Variants in TM4SF18 observed in about 807,000 individuals in gnomAD.
TM4SF18 encodes the protein transmembrane 4 L6 family member 18.
TM4SF18 carries 22 observed loss-of-function variants against 23.8 expected under a neutral mutation model. That is an observed-to-expected ratio of 0.92 (90% CI 0.66 to 1.32). The LOEUF (loss-of-function observed/expected upper bound fraction) is 1.32. Among genes scored for constraint, TM4SF18 ranks in the 40% most tolerant of loss-of-function variants. TM4SF18 has a pLI of 0.00. For missense variants in TM4SF18, 255 were observed against 240.3 expected, an observed-to-expected ratio of 1.06 and a Z score of -0.41; for synonymous variants, 87 against 87.9, an observed-to-expected ratio of 0.99 and a Z score of 0.06.
chr3:149,321,719 A>G, intron 5 of TM4SF18, among the ~76,000 whole-genome samples: 1 of 152,226 alleles, frequency 6.6e-6, no homozygotes, highest in East Asian at 1.9e-4. Flanking sequence ...TCTTGATAGC[A>G]GTTTCAACCA....
intron 4 of TM4SF18, among the ~76,000 whole-genome samples, chr3:149,324,609 G>A (rs1730890815): frequency 6.6e-6 from 1 of 152,166 alleles, no homozygotes. Context: ...TTAATCTGAG[G>A]TATGGGAGAA....
At chr3:149,331,827 T>C (rs1451117526) in intron 2 of TM4SF18, among the ~76,000 whole-genome samples, 1 of 152,224 alleles carries the variant, frequency 6.6e-6, no homozygotes, top group South Asian at 2.1e-4. Context: ...TTATTGTGTC[T>C]CTTTTCACTT....
intron 3 of TM4SF18, among the ~76,000 whole-genome samples, chr3:149,329,687 G>T (rs1731047326): frequency 2.6e-5 from 4 of 152,140 alleles, no homozygotes; most frequent in Admixed American, 6.6e-5. Flanking sequence ...AGGAGCACTG[G>T]CTTAGAAAAT....
Position 149,330,256 on chromosome 3 carries a change from T to C in TM4SF18, c.267+74A>G, listed in dbSNP as rs1044346908. On this transcript the variant is annotated intron_variant, in intron 3 of 5. Coordinates refer to ENST00000296059, the MANE Select transcript of TM4SF18 (RefSeq NM_138786.4). ...TAGTGAGGGTATAATACTGTCAATA[T>C]TTTTGTGTTTCTGAGTGAGAGGAAA... 12 of 964,756 alleles carry C rather than the reference T, an allele frequency of 1.2e-5. No homozygotes were observed. The Admixed American group carries it at 1.8e-4, about 14-fold the overall frequency. The allele number at this position is 964,756 out of a possible 1,614,324, so 59.8% of individuals were successfully genotyped here.
intron 3 of TM4SF18, among the ~76,000 whole-genome samples, chr3:149,328,792 A>G (rs1439879342): frequency 1.3e-5 from 2 of 152,072 alleles, no homozygotes; most frequent in Non-Finnish European, 2.9e-5. Context: ...GGGGCATTTG[A>G]ATTGGGACTT....
At chr3:149,331,439 A>T (rs1194608410) in intron 2 of TM4SF18, among the ~76,000 whole-genome samples, 1 of 152,142 alleles carries the variant, frequency 6.6e-6, no homozygotes, top group Non-Finnish European at 1.5e-5. Context: ...CCTCCTTTCC[A>T]CATCGTTAGT....
Position 149,322,452 on chromosome 3 carries a change from G to A in TM4SF18, c.411-16C>T, listed in dbSNP as rs771579529. On this transcript the variant is annotated splice_polypyrimidine_tract_variant and intron_variant, in intron 4 of 5. Coordinates refer to ENST00000296059, the MANE Select transcript of TM4SF18 (RefSeq NM_138786.4). Reference sequence around the variant, plus strand: ...TGTAAGGAAACTGAGAGAGACCCATGGCCAAATCTACATACTGGGTCCAAG... The same window carrying A: ...TGTAAGGAAACTGAGAGAGACCCATAGCCAAATCTACATACTGGGTCCAAG... The A allele has an allele frequency of 2.5e-6, 4 of 1,606,688 alleles. No homozygotes were observed. The Admixed American group carries it at 5.1e-5, about 20-fold the overall frequency.
intron 2 of TM4SF18, among the ~76,000 whole-genome samples, chr3:149,331,243 A>G (rs960008960): frequency 2.0e-5 from 3 of 152,084 alleles, no homozygotes; most frequent in Non-Finnish European, 4.4e-5. Context: ...AAATTTCTTC[A>G]GCTTTCATTA....
intron 3 of TM4SF18, among the ~76,000 whole-genome samples, chr3:149,325,247 A>G (rs1415899977): frequency 6.6e-6 from 1 of 152,170 alleles, no homozygotes; most frequent in Non-Finnish European, 1.5e-5. Flanking sequence ...GTAACTAGGT[A>G]ATTTACTAAA....
At chr3:149,322,729 C>A (rs1317451970) in intron 4 of TM4SF18, among the ~76,000 whole-genome samples, 4 of 151,946 alleles carry the variant, frequency 2.6e-5, no homozygotes, top group Non-Finnish European at 4.4e-5. Context: ...TCTTTCCCCA[C>A]CTTTATTTAT....
intron 3 of TM4SF18, among the ~76,000 whole-genome samples, chr3:149,325,407 G>GA (rs1359941571): frequency 1.3e-5 from 2 of 152,116 alleles, no homozygotes; most frequent in African/African-American, 4.8e-5. Flanking sequence ...TATAAGCTAT[G>GA]ACCTCTGCTT....
intron 4 of TM4SF18, among the ~76,000 whole-genome samples, chr3:149,322,849 C>A (rs1730841838): frequency 6.6e-6 from 1 of 151,158 alleles, no homozygotes; most frequent in African/African-American, 2.4e-5. Flanking sequence ...ATCAGAATTC[C>A]TGGATTTGGG....
chr3:149,322,529 T>A, intron 4 of TM4SF18, 93 bp from the exon 5 acceptor site: 1 of 1,015,996 alleles, frequency 9.8e-7, no homozygotes, highest in South Asian at 1.7e-5. Context: ...ATAACTAAAA[T>A]ATATAGTTAT....
At chr3:149,333,122 C>A in intron 2 of TM4SF18, 84 bp downstream of exon 2, 2 of 1,283,678 alleles carry the variant, frequency 1.6e-6, no homozygotes, top group Non-Finnish European at 2.2e-6. Flanking sequence ...ATGATTTTTC[C>A]ATTATTCATT....
chr3:149,332,799 T>C (rs1179709394), intron 2 of TM4SF18, among the ~76,000 whole-genome samples: 3 of 152,166 alleles, frequency 2.0e-5, no homozygotes, highest in African/African-American at 4.8e-5. Context: ...AATAGCCAAG[T>C]CTCTGCTTTT....
intron 3 of TM4SF18, among the ~76,000 whole-genome samples, chr3:149,327,218 G>A (rs972206981): frequency 4.6e-5 from 7 of 152,220 alleles, no homozygotes; most frequent in African/African-American, 1.7e-4. Context: ...CCAAAGTGCT[G>A]GGATTACAGG....
At chr3:149,326,573 T>C (rs1730952342) in intron 3 of TM4SF18, among the ~76,000 whole-genome samples, 1 of 152,224 alleles carries the variant, frequency 6.6e-6, no homozygotes. Context: ...CTCATATTCA[T>C]TGATTACCAG....
At chr3:149,324,680 A>G in intron 4 of TM4SF18, 200 bp downstream of exon 4, 1 of 629,318 alleles carries the variant, frequency 1.6e-6, no homozygotes, top group South Asian at 2.2e-5. Context: ...AAATGGCATT[A>G]AAAGACTGAA....
At chr3:149,326,349 T>A (rs970936725) in intron 3 of TM4SF18, among the ~76,000 whole-genome samples, 1 of 152,222 alleles carries the variant, frequency 6.6e-6, no homozygotes, top group Non-Finnish European at 1.5e-5. Context: ...GCGAGAATAC[T>A]TAATGGGTGT....
Sources: allele counts gnomAD v4.1 joint callset (sites outside exome capture counted in the v4.1 genomes callset), GRCh38; gene constraint gnomAD v4.1.1; transcripts MANE v1.5; gene names NCBI Gene and HGNC (gene_info 2026-07-23, HGNC 2026-07-21).